Variants in ALK observed in about 807,000 individuals in gnomAD.
ALK encodes ALK receptor tyrosine kinase, also known as ALK tyrosine kinase receptor.
Under a neutral mutation model 163.1 loss-of-function variants are expected in ALK, and 74 were observed. That is an observed-to-expected ratio of 0.45 (90% confidence interval 0.38 to 0.55). The LOEUF (loss-of-function observed/expected upper bound fraction) is 0.55. Among genes scored for constraint, ALK ranks in the 20% least tolerant of loss-of-function variants. ALK has a pLI of 0.00. For synonymous variants in ALK, 960 were observed against 843.2 expected, an observed-to-expected ratio of 1.14 and a Z score of -2.40; for missense variants, 2,063 against 2,105.3, an observed-to-expected ratio of 0.98 and a Z score of 0.39.
At chr2:29,668,304 G>T (rs948668661) in intron 3 of ALK, among the ~76,000 whole-genome samples, 1 of 151,300 alleles carries the variant, frequency 6.6e-6, no homozygotes, top group Non-Finnish European at 1.5e-5. Flanking sequence ...ATTTTTTTCA[G>T]TTTGGGGGTT....
At chr2:29,611,787 C>T (rs1300830127) in intron 3 of ALK, among the ~76,000 whole-genome samples, 3 of 152,154 alleles carry the variant, frequency 2.0e-5, no homozygotes, top group Admixed American at 6.5e-5. Context: ...TGTCTCCTGC[C>T]ACAGGTGTTT....
At chr2:29,477,631 C>T (rs4666224) in intron 4 of ALK, among the ~76,000 whole-genome samples, 26,658 of 152,058 alleles carry the variant, frequency 0.18, 2,586 homozygotes, top group East Asian at 0.34. Context: ...ATCTTCTTGT[C>T]CTGGGACACA....
Position 29,320,737 on chromosome 2 carries a change from G to A in ALK, c.1546+14C>T, listed in dbSNP as rs780374202. On this transcript the variant is annotated intron_variant, in intron 7 of 28. Transcript: ENST00000389048. Reference sequence around the variant, plus strand: ...AAGATGGGCACCAGAGAGAAGGCAGGAGAGCAGTAGTACCTTGGTGGTCCT... The same window carrying A: ...AAGATGGGCACCAGAGAGAAGGCAGAAGAGCAGTAGTACCTTGGTGGTCCT... 1.2e-6 allele frequency: 2 copies of A among 1,613,224 alleles called. No homozygotes were observed. Among genetic ancestry groups the A allele is most frequent in the Non-Finnish European group, 1.7e-6 (2 of 1,179,888 alleles).
chr2:29,646,398 C>T (rs776603198), intron 3 of ALK, among the ~76,000 whole-genome samples: 3 of 152,144 alleles, frequency 2.0e-5, no homozygotes, highest in Non-Finnish European at 4.4e-5. Flanking sequence ...TGCTTCAGCC[C>T]TTGTTTCACT....
At chr2:29,608,232 T>C (rs1005963361) in intron 3 of ALK, among the ~76,000 whole-genome samples, 3 of 152,214 alleles carry the variant, frequency 2.0e-5, no homozygotes, top group Admixed American at 1.3e-4. Flanking sequence ...CTATTACCAT[T>C]TGATATATTC....
chr2:29,740,425 G>A (rs1010295154), intron 1 of ALK, among the ~76,000 whole-genome samples: 3 of 152,220 alleles, frequency 2.0e-5, no homozygotes, highest in African/African-American at 7.2e-5. Flanking sequence ...AGGACAGTCA[G>A]AGGGACAGTT....
intron 5 of ALK, among the ~76,000 whole-genome samples, chr2:29,342,872 G>A (rs1667834438): frequency 7.3e-6 from 1 of 137,614 alleles, no homozygotes; most frequent in Non-Finnish European, 1.5e-5. Flanking sequence ...TGTGTGCTCA[G>A]TGATCTTTTT....
At chr2:29,745,220 T>G (rs1009876685) in intron 1 of ALK, among the ~76,000 whole-genome samples, 1 of 152,180 alleles carries the variant, frequency 6.6e-6, no homozygotes, top group Non-Finnish European at 1.5e-5. Context: ...AAGAAGAAAC[T>G]GAGACTCAGA....
At chr2:29,653,579 T>C (rs996334233) in intron 3 of ALK, among the ~76,000 whole-genome samples, 6 of 152,164 alleles carry the variant, frequency 3.9e-5, no homozygotes, top group Non-Finnish European at 8.8e-5. Context: ...TCTACCAAGT[T>C]ACTGTAAAGA....
chr2:29,771,701 AT>A (rs771843182), intron 1 of ALK, among the ~76,000 whole-genome samples: 1 of 151,912 alleles, frequency 6.6e-6, no homozygotes, highest in African/African-American at 2.4e-5. Context: ...TGCCCCGCTA[AT>A]TTTTTGTATT....
chr2:29,418,548 C>T (rs555754355), intron 4 of ALK, among the ~76,000 whole-genome samples: 2 of 152,194 alleles, frequency 1.3e-5, no homozygotes, highest in Non-Finnish European at 2.9e-5. Flanking sequence ...CTCTTACCCT[C>T]CCACCTTTTG....
intron 1 of ALK, among the ~76,000 whole-genome samples, chr2:29,856,994 A>T (rs1293147651): frequency 6.6e-6 from 1 of 152,214 alleles, no homozygotes; most frequent in Non-Finnish European, 1.5e-5. Flanking sequence ...TGTCGTGTAC[A>T]GGACCACGGG....
chr2:29,644,399 TA>T (rs112270659), intron 3 of ALK, among the ~76,000 whole-genome samples: 98 of 146,728 alleles, frequency 6.7e-4, no homozygotes, highest in African/African-American at 8.4e-4. Flanking sequence ...AAAGTATATT[TA>T]AAAAAAAAAA....
At chr2:29,447,078 G>T (rs552709553) in intron 4 of ALK, among the ~76,000 whole-genome samples, 1 of 152,292 alleles carries the variant, frequency 6.6e-6, no homozygotes, top group South Asian at 2.1e-4. Flanking sequence ...TGGCAATGTG[G>T]CCACCAGAGT....
intron 8 of ALK, among the ~76,000 whole-genome samples, chr2:29,310,314 G>A (rs1232656993): frequency 2.6e-5 from 4 of 152,090 alleles, no homozygotes; most frequent in African/African-American, 2.4e-5. Context: ...TTTTTATAAC[G>A]AGATAATGTA....
intron 3 of ALK, among the ~76,000 whole-genome samples, chr2:29,572,260 G>A (rs1386334406): frequency 6.6e-6 from 1 of 152,230 alleles, no homozygotes; most frequent in Non-Finnish European, 1.5e-5. Flanking sequence ...ATTGCCAGGT[G>A]AGGCATATTT....
intron 1 of ALK, among the ~76,000 whole-genome samples, chr2:29,870,056 T>A (rs1202770952): frequency 1.3e-5 from 2 of 152,202 alleles, no homozygotes; most frequent in East Asian, 3.8e-4. Flanking sequence ...GTCTCATACA[T>A]TGCTGGTAGA....
rs75681494 is a variant in ALK, at chr2:29,193,552, G to A, written c.4535C>T (p.Thr1512Ile). ...ATTATTCTTTTTGGTGGGTTTCTCT[G>A]TAAACCAGGAGCCGTACGTTGGGTT... ...LWNPTYGSWFTEKPTKKNNPI... is the reference protein window; with the variant it reads ...LWNPTYGSWFIEKPTKKNNPI... The change falls in exon 29 of 29, where the codon ACA becomes ATA. Residue 1512 changes from threonine (T) to isoleucine (I), a missense_variant. Transcript: ENST00000389048. The A allele has an allele frequency of 6.2e-7, 1 of 1,614,094 alleles. No individual in the cohort carries two copies. The highest frequency in any genetic ancestry group is 8.5e-7 in the Non-Finnish European group (1 of 1,180,046).
At chr2:29,542,932 T>G (rs1458161904) in intron 3 of ALK, among the ~76,000 whole-genome samples, 2 of 152,218 alleles carry the variant, frequency 1.3e-5, no homozygotes, top group Admixed American at 1.3e-4. Flanking sequence ...TCTTGAATCT[T>G]TCTTAAGAGA....
Sources: allele counts gnomAD v4.1 joint callset (sites outside exome capture counted in the v4.1 genomes callset), GRCh38; gene constraint gnomAD v4.1.1; transcripts MANE v1.5; gene names NCBI Gene and HGNC (gene_info 2026-07-23, HGNC 2026-07-21).